Variants in PLCB1 observed in about 807,000 individuals in gnomAD.
PLCB1 encodes the protein 1-phosphatidylinositol 4,5-bisphosphate phosphodiesterase beta-1.
A neutral mutation model predicts 161.8 loss-of-function variants in PLCB1; 46 were observed. The ratio of observed to expected loss-of-function variants is 0.28; its 90% confidence interval spans 0.22 to 0.36. The LOEUF (loss-of-function observed/expected upper bound fraction) is 0.36, where lower values mean the gene tolerates loss of function less well. Among genes scored for constraint, PLCB1 ranks in the 10% least tolerant of loss-of-function variants. PLCB1 has a pLI of 1.00. For missense variants in PLCB1, 1,016 were observed against 1,472.5 expected, an observed-to-expected ratio of 0.69 and a Z score of 5.07; for synonymous variants, 517 against 503.7, an observed-to-expected ratio of 1.03 and a Z score of -0.35.
At position 8,591,835 on chromosome 20, in the gene PLCB1, A is replaced by C. The variant is rs1007555458; in HGVS notation, c.247-36459A>C. 3.3e-5 allele frequency among the ~76,000 whole-genome samples: 5 copies of C among 152,268 alleles called. No individual in the cohort carries two copies. The South Asian group carries it at 1.0e-3, about 32-fold the overall frequency. On this transcript the variant is annotated intron_variant, in intron 3 of 31. Coordinates refer to ENST00000338037, the MANE Select transcript of PLCB1 (RefSeq NM_015192.4). Reference sequence around the variant, plus strand: ...TGAGAAACATATTTCATTACATGTAACTTGCTGGCCATCCCAAATATTACA... The same window carrying C: ...TGAGAAACATATTTCATTACATGTACCTTGCTGGCCATCCCAAATATTACA...
At chr20:8,694,492 A>G (rs987358433) in intron 10 of PLCB1, among the ~76,000 whole-genome samples, 3 of 152,184 alleles carry the variant, frequency 2.0e-5, no homozygotes, top group Non-Finnish European at 2.9e-5. Flanking sequence ...CATGGTTTTC[A>G]AAACATTAAC....
chr20:8,215,806 G>A (rs370415673), intron 2 of PLCB1, among the ~76,000 whole-genome samples: 2 of 151,766 alleles, frequency 1.3e-5, no homozygotes, highest in East Asian at 3.9e-4. Flanking sequence ...CTGAAGTAGG[G>A]CTAAATATTA....
At chr20:8,434,597 A>G (rs2122589918) in intron 3 of PLCB1, among the ~76,000 whole-genome samples, 1 of 152,366 alleles carries the variant, frequency 6.6e-6, no homozygotes, top group South Asian at 2.1e-4. Flanking sequence ...ATATCTGTAT[A>G]CCAAACATTC....
chr20:8,234,127 G>C (rs1309647558), intron 2 of PLCB1, among the ~76,000 whole-genome samples: 1 of 152,122 alleles, frequency 6.6e-6, no homozygotes, highest in Non-Finnish European at 1.5e-5. Flanking sequence ...TTGTGGGATT[G>C]AAGGTGGAAT....
intron 3 of PLCB1, among the ~76,000 whole-genome samples, chr20:8,472,583 G>T (rs914014804): frequency 6.6e-6 from 1 of 152,078 alleles, no homozygotes; most frequent in Non-Finnish European, 1.5e-5. Flanking sequence ...GATGGTGCAT[G>T]CCTGTAGTCC....
chr20:8,358,758 A>G (rs1986445833), intron 2 of PLCB1, among the ~76,000 whole-genome samples: 1 of 152,160 alleles, frequency 6.6e-6, no homozygotes, highest in Non-Finnish European at 1.5e-5. Flanking sequence ...ATTGTATGCA[A>G]TATGTTTGGA....
chr20:8,810,637 A>C (rs1303442324), intron 31 of PLCB1, among the ~76,000 whole-genome samples: 1 of 152,100 alleles, frequency 6.6e-6, no homozygotes, highest in Non-Finnish European at 1.5e-5. Context: ...AAGGGATCCC[A>C]GGAGGTAGTT....
At chr20:8,470,562 T>C (rs1982007568) in intron 3 of PLCB1, among the ~76,000 whole-genome samples, 1 of 152,168 alleles carries the variant, frequency 6.6e-6, no homozygotes, top group Non-Finnish European at 1.5e-5. Flanking sequence ...TTTCCATCCT[T>C]TGAGACAAGG....
chr20:8,539,824 G>C (rs1440595057), intron 3 of PLCB1, among the ~76,000 whole-genome samples: 2 of 86,138 alleles, frequency 2.3e-5, no homozygotes, highest in Admixed American at 1.2e-4. Flanking sequence ...TTGTTTTTTT[G>C]TTATTTAAAT....
intron 2 of PLCB1, among the ~76,000 whole-genome samples, chr20:8,289,858 C>T (rs11699915): frequency 0.073 from 11,170 of 152,190 alleles, 496 homozygotes; most frequent in East Asian, 0.19. Flanking sequence ...ACAGTGTTTC[C>T]CAATGGCTTG....
intron 3 of PLCB1, among the ~76,000 whole-genome samples, chr20:8,398,295 G>A (rs1978381550): frequency 6.6e-6 from 1 of 151,968 alleles, no homozygotes; most frequent in African/African-American, 2.4e-5. Context: ...TATGTCATAT[G>A]TTTTAATATG....
intron 20 of PLCB1, among the ~76,000 whole-genome samples, chr20:8,738,673 A>G (rs1167858156): frequency 2.0e-5 from 3 of 152,224 alleles, no homozygotes; most frequent in East Asian, 1.9e-4. Flanking sequence ...CACATTGAGA[A>G]TGTTCATGTA....
chr20:8,165,526 A>G (rs1306301961), intron 2 of PLCB1, among the ~76,000 whole-genome samples: 2 of 152,204 alleles, frequency 1.3e-5, no homozygotes, highest in Admixed American at 6.5e-5. Context: ...CCTTAGCACT[A>G]TTAATGCTAT....
intron 2 of PLCB1, among the ~76,000 whole-genome samples, chr20:8,253,219 C>G (rs1981247480): frequency 6.6e-6 from 1 of 151,984 alleles, no homozygotes; most frequent in Admixed American, 6.6e-5. Flanking sequence ...CATCCTTCAG[C>G]CAATAACTGA....
intron 2 of PLCB1, among the ~76,000 whole-genome samples, chr20:8,251,933 T>C (rs950221083): frequency 2.1e-4 from 32 of 151,896 alleles, no homozygotes; most frequent in African/African-American, 7.0e-4. Flanking sequence ...TATTTTCTCA[T>C]TGGTGGGTCA....
rs747461333 is a variant in PLCB1 at position 8,760,476 on chromosome 20, T to TC, written c.2710+22dup. 7 of 1,596,588 alleles carry TC rather than the reference T, an allele frequency of 4.4e-6. No homozygotes were observed. Among genetic ancestry groups the TC allele is most frequent in the Admixed American group, 1.7e-5 (1 of 59,814 alleles). Reference sequence around the variant, plus strand: ...GTCTTAACAGGTAAATGCCACCCTTTCCCCCCATGGAATTAAGCAGCTCAG... The same window carrying TC: ...GTCTTAACAGGTAAATGCCACCCTTTCCCCCCCATGGAATTAAGCAGCTCAG... On this transcript the variant is annotated intron_variant, in intron 25 of 31. Coordinates refer to ENST00000338037, the MANE Select transcript of PLCB1 (RefSeq NM_015192.4).
rs1988037503 is a variant in PLCB1, at chr20:8,882,654, TA to T, written c.*807del. On this transcript the variant is annotated 3_prime_UTR_variant, in exon 32 of 32. Transcript: ENST00000338037. ...TGGTTATTGGCCTGAAATGATCAAA[TA>T]ACTACAAATGATCTGTTGAATAAAA... 1 of 152,544 alleles carries T rather than the reference TA, an allele frequency of 6.6e-6. No individual in the cohort carries two copies. Among genetic ancestry groups the T allele is most frequent in the Non-Finnish European group, 1.5e-5 (1 of 68,022 alleles). The allele number at this position is 152,544 out of a possible 1,614,324, so 9.4% of individuals were successfully genotyped here. A position where few individuals can be genotyped will look rare whatever the true frequency, so the allele number is the denominator to read the frequency against.
At chr20:8,241,101 T>G (rs1980587845) in intron 2 of PLCB1, among the ~76,000 whole-genome samples, 2 of 152,060 alleles carry the variant, frequency 1.3e-5, no homozygotes, top group Non-Finnish European at 2.9e-5. Context: ...TATTTCCTAA[T>G]GTAATTGAAT....
At chr20:8,254,662 T>C (rs1449556127) in intron 2 of PLCB1, among the ~76,000 whole-genome samples, 1 of 152,016 alleles carries the variant, frequency 6.6e-6, no homozygotes, top group African/African-American at 2.4e-5. Flanking sequence ...TGCAACCTGA[T>C]ATGGTTGACT....
Sources: allele counts gnomAD v4.1 joint callset (sites outside exome capture counted in the v4.1 genomes callset), GRCh38; gene constraint gnomAD v4.1.1; transcripts MANE v1.5; gene names NCBI Gene and HGNC (gene_info 2026-07-23, HGNC 2026-07-21).